The following CASR variants were observed in gnomAD, a reference collection of about 807,000 sequenced individuals.
The protein encoded by CASR is extracellular calcium-sensing receptor.
A neutral mutation model predicts 69.1 loss-of-function variants in CASR; 23 were observed. The ratio of observed to expected loss-of-function variants is 0.33; its 90% CI spans 0.24 to 0.47. CASR has a LOEUF of 0.47. CASR is among the 20% of genes least tolerant of loss of function. The pLI is 1.00. For missense variants in CASR, 924 were observed against 1,356.1 expected, an observed-to-expected ratio of 0.68 and a Z score of 5.00; for synonymous variants, 541 against 544.7, an observed-to-expected ratio of 0.99 and a Z score of 0.10.
chr3:122,237,133 CAG>C (rs2074336454), intron 1 of CASR, among the ~76,000 whole-genome samples: 2 of 123,536 alleles, frequency 1.6e-5, no homozygotes, highest in African/African-American at 6.2e-5. Flanking sequence ...TTTTTTTTGA[CAG>C]AGTCTTGCTC....
intron 1 of CASR, among the ~76,000 whole-genome samples, chr3:122,253,625 A>T (rs1170897650): frequency 6.6e-6 from 1 of 152,250 alleles, no homozygotes; most frequent in Non-Finnish European, 1.5e-5. Context: ...TCTGCTACTA[A>T]TAGGCCAAAT....
chr3:122,205,330 G>C (rs2073996555), intron 1 of CASR, among the ~76,000 whole-genome samples: 2 of 152,120 alleles, frequency 1.3e-5, no homozygotes, highest in African/African-American at 4.8e-5. Flanking sequence ...TTATTGAAGA[G>C]ACTATGATTT....
Position 122,248,097 on chromosome 3 carries a change from G to C in CASR, c.-242-5851G>C, listed in dbSNP as rs1448730082. The stretch of plus-strand genomic sequence containing the variant: ...AGCAGAAGCCGGGCTTGGGCTTGCG[G>C]GAGGCAGCCAAGGGTGACCGGGCAA... On this transcript the variant is annotated intron_variant, in intron 1 of 6. Coordinates refer to ENST00000639785, the MANE Select transcript of CASR (RefSeq NM_000388.4). Among the ~76,000 whole-genome samples the C allele has an allele frequency of 2.0e-5, 3 of 152,212 alleles. No homozygotes were observed. In the East Asian group the frequency reaches 5.8e-4, roughly 29 times the overall value.
At chr3:122,219,862 T>C (rs966174075) in intron 1 of CASR, among the ~76,000 whole-genome samples, 2 of 152,234 alleles carry the variant, frequency 1.3e-5, no homozygotes, top group African/African-American at 4.8e-5. Flanking sequence ...TAGTTTGATC[T>C]AGAGTGTGAG....
chr3:122,202,238 G>A (rs1022668844), intron 1 of CASR, among the ~76,000 whole-genome samples: 6 of 152,242 alleles, frequency 3.9e-5, no homozygotes, highest in African/African-American at 7.2e-5. Context: ...CCAACACAGC[G>A]AAACCCCGTC....
intron 1 of CASR, 97 bp from the exon 2 acceptor site, chr3:122,253,851 C>T (rs1288079326): frequency 1.5e-5 from 5 of 338,994 alleles, no homozygotes; most frequent in Non-Finnish European, 1.1e-5. Context: ...CCCCTAGGCC[C>T]CTCTAAATGG....
At chr3:122,271,957 A>G (rs2074763046) in intron 4 of CASR, among the ~76,000 whole-genome samples, 1 of 152,290 alleles carries the variant, frequency 6.6e-6, no homozygotes, top group Admixed American at 6.5e-5. Context: ...TGGATATACC[A>G]CATTTTATTT....
intron 1 of CASR, among the ~76,000 whole-genome samples, chr3:122,223,010 T>C (rs940121534): frequency 6.6e-6 from 1 of 152,156 alleles, no homozygotes; most frequent in African/African-American, 2.4e-5. Flanking sequence ...CAAAAAATTC[T>C]TTGAAACTAA....
intron 3 of CASR, 103 bp downstream of exon 3, chr3:122,257,490 T>G: frequency 1.2e-6 from 1 of 819,052 alleles, no homozygotes; most frequent in Non-Finnish European, 1.9e-6. Context: ...TTCCCATCTC[T>G]GGCACAAAAG....
chr3:122,237,892 G>T (rs1405295094), intron 1 of CASR, among the ~76,000 whole-genome samples: 1 of 152,112 alleles, frequency 6.6e-6, no homozygotes, highest in Non-Finnish European at 1.5e-5. Flanking sequence ...TAAAACTAAA[G>T]ATACACAAAT....
At position 122,189,029 on chromosome 3, in the gene CASR, G is replaced by A. The variant is rs556225763; in HGVS notation, c.-243+5217G>A. ...ACTAGGAAGTGCTGATTAAGGGTGT[G>A]CTTTTGGATTCAGTTGCTCAAACAA... On this transcript the variant is annotated intron_variant, in intron 1 of 6. Transcript: ENST00000639785. 3.3e-5 allele frequency among the ~76,000 whole-genome samples: 5 copies of A among 152,324 alleles called. No individual in the cohort carries two copies. The South Asian group carries it at 1.0e-3, about 32-fold the overall frequency.
At chr3:122,247,649 GC>G (rs1441279005) in intron 1 of CASR, 1 of 152,178 alleles carries the variant, frequency 6.6e-6, no homozygotes, top group Non-Finnish European at 1.5e-5. Flanking sequence ...TATGTTGCCG[GC>G]AGTACACACA....
intron 1 of CASR, among the ~76,000 whole-genome samples, chr3:122,220,447 A>G (rs1039751851): frequency 1.3e-5 from 2 of 152,238 alleles, no homozygotes; most frequent in African/African-American, 4.8e-5. Context: ...TTCTGAAGAA[A>G]TACAGAGCAA....
intron 1 of CASR, among the ~76,000 whole-genome samples, chr3:122,218,693 T>G (rs1281493353): frequency 6.6e-6 from 1 of 152,182 alleles, no homozygotes; most frequent in Non-Finnish European, 1.5e-5. Context: ...TGCTAGGTAC[T>G]GAGGATTAAA....
rs199734455 is a variant in CASR, at chr3:122,257,203, C to T, written c.308C>T (p.Thr103Ile). The T allele has an allele frequency of 1.4e-5, 23 of 1,614,196 alleles. No homozygotes were observed. The highest frequency in any genetic ancestry group is 1.3e-4 in the East Asian group (6 of 44,892). ...TACAGGATATTTGACACTTGCAACA[C>T]CGTTTCTAAGGCCTTGGAAGCCACC... The part of the protein sequence containing the change: ...LGYRIFDTCN[T>I]VSKALEATLS... The change falls in exon 3 of 7, where the codon ACC becomes ATC. Residue 103 changes from threonine to isoleucine, a missense_variant. Thr to Ile is a moderately conservative substitution (Grantham distance 89). This residue lies in a region of CASR where 141 missense variants were observed against 283.0 expected (regional missense o/e 0.50). Coordinates refer to ENST00000639785, the MANE Select transcript of CASR (RefSeq NM_000388.4).
chr3:122,233,129 T>C (rs1471810583), intron 1 of CASR, among the ~76,000 whole-genome samples: 2 of 152,172 alleles, frequency 1.3e-5, no homozygotes, highest in East Asian at 3.9e-4. Context: ...AGATATGGAA[T>C]CATAGAATTT....
At position 122,284,192 on chromosome 3, in the gene CASR, G is replaced by GC; in HGVS notation, c.2243dup (p.Ser749ValfsTer11). 6.2e-7 allele frequency: 1 copy of GC among 1,613,646 alleles called. No individual in the cohort carries two copies. Among genetic ancestry groups the GC allele is most frequent in the East Asian group, 2.2e-5 (1 of 44,862 alleles). ...TCTGTGTGATCTGGCTCTACACCGC[G>GC]CCCCCGTCAAGCTACCGCAACCAGG... is the stretch of plus-strand genomic sequence containing the variant. On this transcript the variant is annotated frameshift_variant, in exon 7 of 7. Transcript: ENST00000639785. LOFTEE classifies it high-confidence loss of function.
rs573955369 is a variant in CASR at position 122,192,141 on chromosome 3, T to C, written c.-243+8329T>C. On this transcript the variant is annotated intron_variant, in intron 1 of 6. Transcript: ENST00000639785. ...GCCTATGAATCCAATAATAAGGGAA[T>C]GGTTAAATACAGTGTGGTGGATAGG... Among the ~76,000 whole-genome samples the C allele has an allele frequency of 2.0e-5, 3 of 152,350 alleles. No individual in the cohort carries two copies. In the East Asian group the frequency reaches 5.8e-4, roughly 29 times the overall value.
intron 4 of CASR, among the ~76,000 whole-genome samples, chr3:122,270,087 C>A (rs2074741809): frequency 6.6e-6 from 1 of 152,100 alleles, no homozygotes; most frequent in African/African-American, 2.4e-5. Flanking sequence ...AGTGATCCAC[C>A]CACCTCGGCT....
Sources: gnomAD v4.1 joint callset for allele counts (sites outside exome capture counted in the v4.1 genomes callset) on GRCh38, gnomAD v4.1.1 for gene constraint, gnomAD v4.1.1 regional missense constraint, MANE v1.5 for transcripts, NCBI Gene and HGNC (gene_info 2026-07-23, HGNC 2026-07-21) for gene names.